The following ADGRL3 variants were observed in gnomAD, a reference collection of about 807,000 sequenced individuals.
ADGRL3 encodes calcium-independent alpha-latrotoxin receptor 3.
A neutral mutation model predicts 153.5 loss-of-function variants in ADGRL3; 62 were observed. The observed-to-expected ratio is 0.40, with a 90% CI of 0.33 to 0.50. ADGRL3 has a LOEUF of 0.50. Ranked by LOEUF, ADGRL3 falls within the 20% of genes least tolerant of loss-of-function variation. The pLI, the probability that ADGRL3 is intolerant of heterozygous loss-of-function variation, is 0.47. For missense variants in ADGRL3, 1,641 were observed against 1,859.4 expected (o/e 0.88, Z 2.16); for synonymous variants, 710 against 672.5 (o/e 1.06, Z -0.86).
chr4:61,966,572 G>GT (rs2099007433), intron 17 of ADGRL3, among the ~76,000 whole-genome samples: 1 of 139,102 alleles, frequency 7.2e-6, no homozygotes, highest in African/African-American at 2.8e-5. Flanking sequence ...CTTTCAAAAG[G>GT]GGTGTGTGTG....
At chr4:61,786,856 A>G (rs2097282337) in intron 8 of ADGRL3, among the ~76,000 whole-genome samples, 1 of 152,036 alleles carries the variant, frequency 6.6e-6, no homozygotes, top group South Asian at 2.1e-4. Flanking sequence ...TATATTGACA[A>G]CTCTCATTTT....
At chr4:61,774,114 T>TG (rs1333323656) in intron 8 of ADGRL3, among the ~76,000 whole-genome samples, 3 of 151,906 alleles carry the variant, frequency 2.0e-5, no homozygotes, top group Non-Finnish European at 2.9e-5. Flanking sequence ...CCCAGCACTT[T>TG]GGGGCTGAGG....
chr4:61,787,911 T>C (rs544112367), intron 8 of ADGRL3, among the ~76,000 whole-genome samples: 9 of 135,422 alleles, frequency 6.6e-5, no homozygotes, highest in Admixed American at 1.5e-4. Flanking sequence ...AACTGGAAAA[T>C]AACTTAGAAA....
intron 1 of ADGRL3, among the ~76,000 whole-genome samples, chr4:61,378,837 A>T (rs1310132670): frequency 1.3e-5 from 2 of 151,966 alleles, no homozygotes; most frequent in Non-Finnish European, 1.5e-5. Context: ...CAGATTTGAG[A>T]GGGGCTTGAA....
chr4:61,863,260 C>G (rs1218042707), intron 9 of ADGRL3, among the ~76,000 whole-genome samples: 2 of 84,406 alleles, frequency 2.4e-5, no homozygotes, highest in African/African-American at 1.0e-4. Context: ...TTTTTTGAGA[C>G]GGAGTCTCGC....
intron 8 of ADGRL3, among the ~76,000 whole-genome samples, chr4:61,748,024 A>G (rs1305817853): frequency 1.3e-5 from 2 of 151,904 alleles, no homozygotes; most frequent in Non-Finnish European, 2.9e-5. Context: ...AGGATACAAA[A>G]TCAATGTACA....
chr4:61,450,750 T>A (rs2097663678), intron 2 of ADGRL3, among the ~76,000 whole-genome samples: 1 of 152,120 alleles, frequency 6.6e-6, no homozygotes, highest in African/African-American at 2.4e-5. Context: ...AGAATTTCCA[T>A]GTACAATAGC....
intron 4 of ADGRL3, among the ~76,000 whole-genome samples, chr4:61,523,127 C>T (rs1358400324): frequency 6.6e-6 from 1 of 151,888 alleles, no homozygotes; most frequent in Non-Finnish European, 1.5e-5. Context: ...GATGAGTAAT[C>T]CTTCTGGCAT....
chr4:61,552,517 G>T (rs1395001358), intron 4 of ADGRL3, among the ~76,000 whole-genome samples: 2 of 152,084 alleles, frequency 1.3e-5, no homozygotes, highest in African/African-American at 4.8e-5. Context: ...AGGCTGGAGT[G>T]CAGTGGTACA....
intron 15 of ADGRL3, among the ~76,000 whole-genome samples, chr4:61,946,442 T>C (rs2098924745): frequency 6.6e-6 from 1 of 152,204 alleles, no homozygotes; most frequent in Non-Finnish European, 1.5e-5. Flanking sequence ...ATGTTTTGTA[T>C]AATAATGAAT....
chr4:61,867,183 G>A lies in ADGRL3; in HGVS notation c.1481-25473G>A, dbSNP rs535720011. 3.3e-5 allele frequency among the ~76,000 whole-genome samples: 5 copies of A among 152,016 alleles called. 1 individual carries two copies. The highest frequency in any genetic ancestry group is 7.2e-5 in the African/African-American group (3 of 41,474). On this transcript the variant is annotated intron_variant, in intron 9 of 26. Transcript: ENST00000683033. ...ATTAGATTAAGCCAAACAAAAATTG[G>A]CATCTAAACATAAGTGATTTAAGAT...
intron 6 of ADGRL3, among the ~76,000 whole-genome samples, chr4:61,694,183 T>A (rs1352454147): frequency 1.1e-3 from 5 of 4,750 alleles, no homozygotes; most frequent in Admixed American, 7.4e-3. Flanking sequence ...GTCATTATTT[T>A]TTTTTTTTTT....
intron 1 of ADGRL3, among the ~76,000 whole-genome samples, chr4:61,372,216 T>G (rs2096541324): frequency 6.6e-6 from 1 of 152,172 alleles, no homozygotes; most frequent in Non-Finnish European, 1.5e-5. Context: ...GTCTGAAGCC[T>G]TCTTCTCTCA....
chr4:61,710,267 C>T (rs2095945067), intron 6 of ADGRL3, among the ~76,000 whole-genome samples: 1 of 152,080 alleles, frequency 6.6e-6, no homozygotes, highest in Admixed American at 6.6e-5. Flanking sequence ...TGTTCAGAAA[C>T]AATAGGGGAC....
At chr4:61,661,363 C>G (rs534599084) in intron 5 of ADGRL3, among the ~76,000 whole-genome samples, 13 of 151,862 alleles carry the variant, frequency 8.6e-5, no homozygotes, top group Non-Finnish European at 1.9e-4. Flanking sequence ...CTTTTTCAAT[C>G]AAAAACTAAT....
In ADGRL3 at chr4:61,517,322, G is replaced by C. The variant is rs1241088466; in HGVS notation, c.63G>C (p.Lys21Asn). The C allele has an allele frequency of 4.3e-6, 3 of 703,014 alleles. No homozygotes were observed. Among genetic ancestry groups the C allele is most frequent in the Middle Eastern group, 2.5e-4 (1 of 4,004 alleles). 43.5% of individuals were successfully genotyped at this position (703,014 alleles called of 1,614,324 possible). A position where few individuals can be genotyped will look rare whatever the true frequency, so the allele number is the denominator to read the frequency against. Residue 21 changes from lysine to asparagine, a missense_variant, in exon 4 of 27, where the codon AAG becomes AAC. Transcript: ENST00000683033. ...MLLAPIIHGG[K>N]HSERHPALAA... ...GCCCTGCGGTCCCCGCAGGTGGCAAGCACAGTGAACGACATCCTGCCCTTG... is the reference window on the plus strand; with the variant it reads ...GCCCTGCGGTCCCCGCAGGTGGCAACCACAGTGAACGACATCCTGCCCTTG...
chr4:61,921,974 T>C (rs2098772051), intron 13 of ADGRL3, among the ~76,000 whole-genome samples: 1 of 152,154 alleles, frequency 6.6e-6, no homozygotes, highest in South Asian at 2.1e-4. Flanking sequence ...CAGTAGGAAA[T>C]CGGTTGAATA....
intron 1 of ADGRL3, among the ~76,000 whole-genome samples, chr4:61,332,092 G>C (rs1265858365): frequency 6.6e-6 from 1 of 152,046 alleles, no homozygotes; most frequent in Non-Finnish European, 1.5e-5. Flanking sequence ...TAACTTGTAA[G>C]GAAACTAGGA....
chr4:61,395,645 G>A (rs1440604127), intron 2 of ADGRL3, among the ~76,000 whole-genome samples: 2 of 151,684 alleles, frequency 1.3e-5, no homozygotes, highest in Non-Finnish European at 2.9e-5. Flanking sequence ...GTTTTAATAG[G>A]TAATGACCTA....
Sources: gnomAD v4.1 joint callset for allele counts (sites outside exome capture counted in the v4.1 genomes callset) on GRCh38, gnomAD v4.1.1 for gene constraint, MANE v1.5 for transcripts, NCBI Gene and HGNC (gene_info 2026-07-23, HGNC 2026-07-21) for gene names.